BTBD7: variants seen among roughly 807,000 people sequenced by gnomAD.
BTBD7 encodes BTB domain containing 7.
A neutral mutation model predicts 99.9 loss-of-function variants in BTBD7; 38 were observed. The ratio of observed to expected loss-of-function variants is 0.38; its 90% CI spans 0.29 to 0.50. The LOEUF (loss-of-function observed/expected upper bound fraction) is 0.50. Ranked by LOEUF, BTBD7 falls within the 20% of genes least tolerant of loss-of-function variation. The pLI is 0.93. For missense variants in BTBD7, 1,170 were observed against 1,394.6 expected (o/e 0.84, Z 2.57); for synonymous variants, 520 against 511.4 (o/e 1.02, Z -0.23).
At chr14:93,272,370 G>A (rs2052610168) in intron 3 of BTBD7, among the ~76,000 whole-genome samples, 1 of 152,160 alleles carries the variant, frequency 6.6e-6, no homozygotes, top group Non-Finnish European at 1.5e-5. Context: ...ACTGGAAATT[G>A]GGGAGAAATG....
rs78976528 is a variant in BTBD7 at position 93,323,015 on chromosome 14, C to G, written c.-107+9805G>C. On this transcript the variant is annotated intron_variant, in intron 1 of 10. Transcript: ENST00000334746. ...GCGTGTGCCTGCTGCCCTAGCTACT[C>G]AGGTGGCTGAGGCAGGACAATCTCT... Among the ~76,000 whole-genome samples the G allele has an allele frequency of 9.4e-3, 1,428 of 152,180 alleles. 27 individuals are homozygous for G. Among genetic ancestry groups the G allele is most frequent in the African/African-American group, 0.033 (1,368 of 41,508 alleles).
In BTBD7 at chr14:93,263,835, C is replaced by T; in HGVS notation, c.1321G>A (p.Glu441Lys). 1 of 1,614,080 alleles carries T rather than the reference C, an allele frequency of 6.2e-7. No individual in the cohort carries two copies. The highest frequency in any genetic ancestry group is 8.5e-7 in the Non-Finnish European group (1 of 1,180,012). Residue 441 changes from glutamate to lysine, a missense_variant, in exon 4 of 11, where the codon GAA becomes AAA. This residue lies in a region of BTBD7 where 309 missense variants were observed against 342.0 expected (regional missense o/e 0.90). Transcript: ENST00000334746. ...SQVMTSDVFY[E>K]LSKDHLLTAI... The stretch of plus-strand genomic sequence containing the variant: ...GTAAGCAGATGGTCTTTGCTGAGTT[C>T]ATAAAAAACATCCGAAGTCATGACC...
At chr14:93,293,082 TAA>T (rs1306529427) in intron 3 of BTBD7, among the ~76,000 whole-genome samples, 1 of 152,206 alleles carries the variant, frequency 6.6e-6, no homozygotes, top group African/African-American at 2.4e-5. Flanking sequence ...CACAGAAAGC[TAA>T]GAATGCACTC....
intron 3 of BTBD7, among the ~76,000 whole-genome samples, chr14:93,282,335 CTTTTTTT>C (rs71129622): frequency 1.6e-4 from 22 of 140,004 alleles, no homozygotes; most frequent in South Asian, 6.8e-4. Flanking sequence ...ATGCTTTTTT[CTTTTTTT>C]TTTTTTTTGA....
chr14:93,327,149 ACT>A (rs1261374998), intron 1 of BTBD7, among the ~76,000 whole-genome samples: 1 of 152,186 alleles, frequency 6.6e-6, no homozygotes, highest in East Asian at 1.9e-4. Flanking sequence ...TCAAAGTGAG[ACT>A]CTGTCTCAAG....
chr14:93,331,183 A>G (rs1343222632), intron 1 of BTBD7, among the ~76,000 whole-genome samples: 2 of 152,154 alleles, frequency 1.3e-5, no homozygotes, highest in East Asian at 3.8e-4. Flanking sequence ...TTTCAACTTT[A>G]TTACACCAAA....
At chr14:93,243,150 A>ATG in intron 10 of BTBD7, 62 bp from the exon 11 acceptor site, 1 of 1,390,454 alleles carries the variant, frequency 7.2e-7, no homozygotes. Flanking sequence ...TGTAGAAATG[A>ATG]TGTTCACTGA....
intron 1 of BTBD7, among the ~76,000 whole-genome samples, chr14:93,297,941 T>TA (rs1276821567): frequency 6.6e-6 from 1 of 152,202 alleles, no homozygotes; most frequent in Non-Finnish European, 1.5e-5. Context: ...AATCTGAGTG[T>TA]AAGGGGAGAT....
chr14:93,267,994 AT>A (rs2052559800), intron 3 of BTBD7, among the ~76,000 whole-genome samples: 1 of 152,160 alleles, frequency 6.6e-6, no homozygotes, highest in Admixed American at 6.5e-5. Flanking sequence ...GCTACAAATG[AT>A]TTCAAGAAAA....
chr14:93,270,376 G>A (rs553762085), intron 3 of BTBD7, among the ~76,000 whole-genome samples: 12 of 152,210 alleles, frequency 7.9e-5, no homozygotes, highest in African/African-American at 2.4e-4. Flanking sequence ...GATTACAGGC[G>A]TGAGCCACTG....
chr14:93,247,897 G>A (rs996836599), intron 9 of BTBD7, among the ~76,000 whole-genome samples: 1 of 152,152 alleles, frequency 6.6e-6, no homozygotes, highest in African/African-American at 2.4e-5. Flanking sequence ...TGATTCTCAT[G>A]CTTGGGTTTG....
intron 3 of BTBD7, among the ~76,000 whole-genome samples, chr14:93,277,304 T>C (rs1159810564): frequency 2.6e-5 from 4 of 152,190 alleles, no homozygotes; most frequent in African/African-American, 9.7e-5. Flanking sequence ...AATGTTTACA[T>C]TTAAGCATGG....
chr14:93,328,304 C>G (rs546445398), intron 1 of BTBD7, among the ~76,000 whole-genome samples: 3 of 152,126 alleles, frequency 2.0e-5, no homozygotes, highest in South Asian at 2.1e-4. Context: ...CCCAAACTAC[C>G]AAAACAATCT....
At chr14:93,308,060 C>T (rs1328784958) in intron 1 of BTBD7, among the ~76,000 whole-genome samples, 1 of 151,874 alleles carries the variant, frequency 6.6e-6, no homozygotes, top group Non-Finnish European at 1.5e-5. Flanking sequence ...TTTGGGAGGC[C>T]GAGGTGGGCG....
chr14:93,292,870 T>C (rs1029630187), intron 3 of BTBD7, among the ~76,000 whole-genome samples: 10 of 152,220 alleles, frequency 6.6e-5, no homozygotes, highest in African/African-American at 2.4e-4. Flanking sequence ...CAAAGCCCTA[T>C]TGATAGGCTG....
intron 3 of BTBD7, among the ~76,000 whole-genome samples, chr14:93,284,838 AC>A (rs963159328): frequency 1.1e-4 from 16 of 152,024 alleles, no homozygotes; most frequent in African/African-American, 3.6e-4. Flanking sequence ...AAGGCAAAAT[AC>A]CCCCCAGACA....
In BTBD7 at chr14:93,242,491, C is replaced by G. The variant is rs771078089; in HGVS notation, c.3181G>C (p.Glu1061Gln). ...PAHVRGRTAV[E>Q]TDLTFGLTPN... Reference sequence around the variant, plus strand: ...GTCAGCCCAAAAGTCAAGTCAGTTTCTACTGCAGTTCGTCCCCTGACATGG... The same window carrying G: ...GTCAGCCCAAAAGTCAAGTCAGTTTGTACTGCAGTTCGTCCCCTGACATGG... The change falls in exon 11 of 11, where the codon GAA becomes CAA. Residue 1061 changes from glutamate (E) to glutamine (Q), a missense_variant. Glu to Gln is a conservative substitution (Grantham distance 29). Transcript: ENST00000334746. 1.2e-6 allele frequency: 2 copies of G among 1,614,250 alleles called. No homozygotes were observed. Among genetic ancestry groups the G allele is most frequent in the Non-Finnish European group, 1.7e-6 (2 of 1,180,056 alleles).
chr14:93,319,112 T>C (rs2053240764), intron 1 of BTBD7, among the ~76,000 whole-genome samples: 1 of 152,112 alleles, frequency 6.6e-6, no homozygotes, highest in Non-Finnish European at 1.5e-5. Context: ...GAGGCTGAGA[T>C]GAGGGATCAC....
chr14:93,294,166 G>A lies in BTBD7; in HGVS notation c.854C>T (p.Ser285Phe). 6.2e-7 allele frequency: 1 copy of A among 1,614,138 alleles called. No homozygotes were observed. Among genetic ancestry groups the A allele is most frequent in the Non-Finnish European group, 8.5e-7 (1 of 1,180,028 alleles). Residue 285 changes from serine (S) to phenylalanine (F), a missense_variant, in exon 3 of 11, where the codon TCC (serine) becomes TTC (phenylalanine). By Grantham distance (155) the Ser-to-Phe change is radical. This residue lies in a region of BTBD7 where 359 missense variants were observed against 497.9 expected (regional missense o/e 0.72). Transcript: ENST00000334746. ...KAHKAVISAR[S>F]PFFRNLLQRR... Reference sequence around the variant, plus strand: ...TTGTAATAAATTTCGAAAAAATGGGGACCGTGCAGAAATAACAGCCTTGTG... The same window carrying A: ...TTGTAATAAATTTCGAAAAAATGGGAACCGTGCAGAAATAACAGCCTTGTG...
Sources: gnomAD v4.1 joint callset for allele counts (sites outside exome capture counted in the v4.1 genomes callset) on GRCh38, gnomAD v4.1.1 for gene constraint, gnomAD v4.1.1 regional missense constraint, MANE v1.5 for transcripts, NCBI Gene and HGNC (gene_info 2026-07-23, HGNC 2026-07-21) for gene names.